The following TRAPPC8 variants were observed in gnomAD, a reference collection of about 807,000 sequenced individuals.
TRAPPC8 encodes the protein general sporulation gene 1 homolog.
Under a neutral mutation model 174.3 loss-of-function variants are expected in TRAPPC8, and 54 were observed. The ratio of observed to expected loss-of-function variants is 0.31; its 90% CI spans 0.25 to 0.39. The LOEUF (loss-of-function observed/expected upper bound fraction) is 0.39, where lower values mean the gene tolerates loss of function less well. Ranked by LOEUF, TRAPPC8 falls within the 10% of genes least tolerant of loss-of-function variation. The pLI is 1.00. For missense variants in TRAPPC8, 1,531 were observed against 1,699.1 expected (o/e 0.90, Z 1.74); for synonymous variants, 630 against 579.9 (o/e 1.09, Z -1.24).
chr18:31,840,395 C>G (rs571519704), intron 26 of TRAPPC8, among the ~76,000 whole-genome samples: 98 of 149,692 alleles, frequency 6.5e-4, no homozygotes, highest in African/African-American at 2.1e-3. Flanking sequence ...GGGAGGGAGG[C>G]AGGGAGTTGG....
At chr18:31,852,838 A>G (rs1333689689) in intron 22 of TRAPPC8, 175 bp from the exon 23 acceptor site, 5 of 604,572 alleles carry the variant, frequency 8.3e-6, no homozygotes, top group Admixed American at 5.9e-5. Flanking sequence ...AAAAGGATAA[A>G]TTTCAATTTT....
At chr18:31,914,794 C>T (rs940598037) in intron 4 of TRAPPC8, among the ~76,000 whole-genome samples, 4 of 152,126 alleles carry the variant, frequency 2.6e-5, no homozygotes, top group Admixed American at 6.6e-5. Context: ...AAAATTACTG[C>T]GTTTATCCTA....
intron 27 of TRAPPC8, among the ~76,000 whole-genome samples, chr18:31,834,014 C>CAAA (rs1349318060): frequency 7.5e-6 from 1 of 134,218 alleles, no homozygotes; most frequent in Non-Finnish European, 1.6e-5. Flanking sequence ...AAAAAAAAAA[C>CAAA]AAAAAACAGA....
intron 9 of TRAPPC8, among the ~76,000 whole-genome samples, chr18:31,905,210 G>A (rs1480880401): frequency 1.3e-5 from 2 of 152,132 alleles, no homozygotes; most frequent in Non-Finnish European, 2.9e-5. Context: ...TGAATGGTAA[G>A]GGAAGTGATA....
At chr18:31,874,346 G>T in intron 13 of TRAPPC8, 134 bp downstream of exon 13, 1 of 922,740 alleles carries the variant, frequency 1.1e-6, no homozygotes, top group South Asian at 1.8e-5. Context: ...AAAAAGCCTA[G>T]CCTGCCACAG....
intron 1 of TRAPPC8, among the ~76,000 whole-genome samples, chr18:31,933,809 A>T (rs1199195111): frequency 3.3e-5 from 5 of 152,062 alleles, no homozygotes; most frequent in Non-Finnish European, 5.9e-5. Context: ...TTTTACTAAA[A>T]AAAAAGACTC....
intron 19 of TRAPPC8, among the ~76,000 whole-genome samples, chr18:31,858,510 T>TG (rs2034153466): frequency 6.6e-6 from 1 of 152,154 alleles, no homozygotes. Flanking sequence ...GTAACTCATG[T>TG]GGGGGCAAAA....
At chr18:31,858,418 G>A (rs2034148769) in intron 19 of TRAPPC8, among the ~76,000 whole-genome samples, 1 of 152,138 alleles carries the variant, frequency 6.6e-6, no homozygotes, top group Non-Finnish European at 1.5e-5. Flanking sequence ...TTTACTATGG[G>A]TTTTAAAGTG....
At chr18:31,857,436 C>A in intron 20 of TRAPPC8, 104 bp downstream of exon 20, 1 of 981,396 alleles carries the variant, frequency 1.0e-6, no homozygotes, top group Admixed American at 3.1e-5. Flanking sequence ...TAATCTGGAA[C>A]AGAGTAATTT....
intron 24 of TRAPPC8, among the ~76,000 whole-genome samples, chr18:31,850,533 T>C (rs1283094052): frequency 6.6e-6 from 1 of 152,204 alleles, no homozygotes; most frequent in East Asian, 1.9e-4. Flanking sequence ...TGGACTCAAT[T>C]ACAGGATTTC....
intron 17 of TRAPPC8, 87 bp downstream of exon 17, chr18:31,867,315 A>G: frequency 2.0e-6 from 2 of 982,426 alleles, no homozygotes; most frequent in South Asian, 1.5e-5. Context: ...ACTAGAATAT[A>G]AAATAAACTG....
rs367728839 is a variant in TRAPPC8 at position 31,913,432 on chromosome 18, T to A, written c.708A>T (p.Ala236=). The A allele has an allele frequency of 3.7e-6, 6 of 1,611,320 alleles. No homozygotes were observed. The African/African-American group carries it at 8.0e-5, about 22-fold the overall frequency. ...AAGGATCTGGTATCTGTTCATCTGA[T>A]GCTCGATTAGATGTTCGAGAATTAA... ...LKINSRTSNR[A]SDEQIPDPWS... Residue 236 remains alanine (A), a synonymous_variant, in exon 5 of 29, where the codon GCA becomes GCT. Coordinates refer to ENST00000283351, the MANE Select transcript of TRAPPC8 (RefSeq NM_014939.5).
intron 19 of TRAPPC8, among the ~76,000 whole-genome samples, chr18:31,864,370 G>A (rs2034486030): frequency 6.6e-6 from 1 of 151,894 alleles, no homozygotes; most frequent in South Asian, 2.1e-4. Context: ...TTTAAAATCA[G>A]AGTGGATTTT....
intron 1 of TRAPPC8, among the ~76,000 whole-genome samples, chr18:31,935,901 A>C (rs531154427): frequency 1.3e-5 from 2 of 149,796 alleles, no homozygotes; most frequent in South Asian, 4.2e-4. Flanking sequence ...ACACCCGGCT[A>C]ATTTTTTGTG....
rs1428165435 is a variant in TRAPPC8 at position 31,871,129 on chromosome 18, A to AC, written c.2063-10_2063-9insG. On this transcript the variant is annotated splice_polypyrimidine_tract_variant and intron_variant, in intron 14 of 28. Coordinates refer to ENST00000283351, the MANE Select transcript of TRAPPC8 (RefSeq NM_014939.5). ...AGCTGCTTGTTTTTCACCTAAAAAAAATTTGTTAACAACACGTTTATGAAG... is the reference window on the plus strand; with the variant it reads ...AGCTGCTTGTTTTTCACCTAAAAAAACATTTGTTAACAACACGTTTATGAAG... 1 of 1,514,130 alleles carries AC rather than the reference A, an allele frequency of 6.6e-7. No homozygotes were observed. The highest frequency in any genetic ancestry group is 1.4e-5 in the African/African-American group (1 of 71,954). The allele number at this position is 1,514,130 out of a possible 1,614,324, so 93.8% of individuals were successfully genotyped here.
At chr18:31,835,778 G>T (rs1028864418) in intron 27 of TRAPPC8, among the ~76,000 whole-genome samples, 1 of 152,166 alleles carries the variant, frequency 6.6e-6, no homozygotes, top group African/African-American at 2.4e-5. Flanking sequence ...ATGGAAGTGA[G>T]GCTATTTGGT....
At chr18:31,941,635 T>C (rs1229195918) in intron 1 of TRAPPC8, among the ~76,000 whole-genome samples, 1 of 152,178 alleles carries the variant, frequency 6.6e-6, no homozygotes, top group Non-Finnish European at 1.5e-5. Flanking sequence ...ATAATGGAAC[T>C]ATTCTCCCAA....
chr18:31,851,707 A>T (rs1217074642), intron 24 of TRAPPC8, among the ~76,000 whole-genome samples: 1 of 152,026 alleles, frequency 6.6e-6, no homozygotes, highest in Non-Finnish European at 1.5e-5. Flanking sequence ...TGCCCTAGAG[A>T]GTAATAGCTT....
intron 10 of TRAPPC8, among the ~76,000 whole-genome samples, chr18:31,900,053 C>A (rs1452037447): frequency 6.6e-6 from 1 of 151,806 alleles, no homozygotes; most frequent in Non-Finnish European, 1.5e-5. Flanking sequence ...GCCTGGCAAA[C>A]ATGGTGAAAT....
Sources: allele counts gnomAD v4.1 joint callset (sites outside exome capture counted in the v4.1 genomes callset), GRCh38; gene constraint gnomAD v4.1.1; transcripts MANE v1.5; gene names NCBI Gene and HGNC (gene_info 2026-07-23, HGNC 2026-07-21).